SPATA31F1: variants seen among roughly 807,000 people sequenced by gnomAD.
SPATA31F1 encodes the protein SPATA31 subfamily F member 1, also known as protein SPATA31F1.
chr9:34,724,234 C>T, the SPATA31F1 span: 3 of 1,551,490 alleles, frequency 1.9e-6, no homozygotes, highest in Non-Finnish European at 2.6e-6. Flanking sequence ...GGGCCTCTGT[C>T]ATGTCCCCAC....
At chr9:34,728,643 T>G in the SPATA31F1 span, 9 of 1,551,384 alleles carry the variant, frequency 5.8e-6, no homozygotes, top group Non-Finnish European at 7.0e-6. Context: ...TTTGCCTGAC[T>G]TTTTGGTGAC....
At chr9:34,727,887 C>T in the SPATA31F1 span, 1 of 777,448 alleles carries the variant, frequency 1.3e-6, no homozygotes, top group African/African-American at 1.8e-5. Flanking sequence ...AACCCTCTCA[C>T]CCAGTGTCCC....
At chr9:34,726,753 G>A in the SPATA31F1 span, 1 of 1,551,716 alleles carries the variant, frequency 6.4e-7, no homozygotes, top group East Asian at 2.4e-5. Flanking sequence ...GACAGTGAAA[G>A]CTCTCTGGTG....
chr9:34,727,023 G>T, the SPATA31F1 span: 2 of 1,531,490 alleles, frequency 1.3e-6, no homozygotes, highest in Non-Finnish European at 8.8e-7. Context: ...TAACGATGGA[G>T]TGACATCTGC....
chr9:34,726,857 G>T, the SPATA31F1 span: 172 of 1,551,690 alleles, frequency 1.1e-4, no homozygotes, highest in Middle Eastern at 1.7e-4. Flanking sequence ...CCCCGATAAA[G>T]TCAGGGAGAT....
At chr9:34,728,147 G>C in the SPATA31F1 span, 1 of 1,421,216 alleles carries the variant, frequency 7.0e-7, no homozygotes, top group Non-Finnish European at 9.6e-7. Flanking sequence ...ATAGGAAGCT[G>C]AATAGTAAGG....
chr9:34,723,514 C>T, the SPATA31F1 span: 1 of 1,551,816 alleles, frequency 6.4e-7, no homozygotes. Context: ...TGGTTTTGGC[C>T]ACCTTCGCAG....
the SPATA31F1 span, among the ~76,000 whole-genome samples, chr9:34,728,271 TA>T: frequency 6.6e-6 from 1 of 152,252 alleles, no homozygotes; most frequent in Admixed American, 6.5e-5. Context: ...ATTTGATTTT[TA>T]CAACCACAAT....
the SPATA31F1 span, chr9:34,726,568 C>T: frequency 1.3e-6 from 2 of 1,551,902 alleles, no homozygotes; most frequent in Non-Finnish European, 1.7e-6. Flanking sequence ...GCTTCTCAAT[C>T]CTTGAAGAAG....
chr9:34,727,419 G>A, the SPATA31F1 span, among the ~76,000 whole-genome samples: 1 of 152,202 alleles, frequency 6.6e-6, no homozygotes, highest in African/African-American at 2.4e-5. Flanking sequence ...TAGAAAATGA[G>A]GTCCTTGTGG....
the SPATA31F1 span, chr9:34,727,128 T>C: frequency 7.1e-7 from 1 of 1,416,804 alleles, no homozygotes; most frequent in Middle Eastern, 1.9e-4. Flanking sequence ...CTGTCTGCTT[T>C]CCTTGCTAAG....
chr9:34,723,198 G>A, the SPATA31F1 span: 1 of 1,540,724 alleles, frequency 6.5e-7, no homozygotes, highest in Non-Finnish European at 8.8e-7. Flanking sequence ...TCCTTGAGCG[G>A]ACCAATGTTT....
the SPATA31F1 span, chr9:34,723,892 G>A: frequency 1.3e-6 from 2 of 1,551,598 alleles, no homozygotes; most frequent in African/African-American, 1.4e-5. Context: ...TAAGCTGAGG[G>A]TGATGCTGGG....
At chr9:34,728,548 G>A in the SPATA31F1 span, 4 of 1,503,410 alleles carry the variant, frequency 2.7e-6, no homozygotes, top group Admixed American at 7.9e-5. Flanking sequence ...GTCACAGAGG[G>A]ACAGGATTCA....
At chr9:34,728,839 T>G in the SPATA31F1 span, among the ~76,000 whole-genome samples, 1 of 152,370 alleles carries the variant, frequency 6.6e-6, no homozygotes, top group Non-Finnish European at 1.5e-5. Flanking sequence ...CTGCTTATTT[T>G]GGATTCACTT....
the SPATA31F1 span, chr9:34,723,340 C>T: frequency 1.3e-6 from 2 of 1,551,642 alleles, no homozygotes; most frequent in Non-Finnish European, 1.7e-6. Flanking sequence ...TGGAGTGTAG[C>T]CGGAGCTTAT....
At chr9:34,723,656 A>C in the SPATA31F1 span, 1 of 1,551,676 alleles carries the variant, frequency 6.4e-7, no homozygotes, top group Non-Finnish European at 8.7e-7. Flanking sequence ...GACTGGCATC[A>C]CCAGCCCATG....
chr9:34,723,181 C>T, the SPATA31F1 span: 273 of 1,516,926 alleles, frequency 1.8e-4, no homozygotes, highest in Middle Eastern at 3.6e-4. Flanking sequence ...CATGGCTCTG[C>T]ATGTTCTCCT....
the SPATA31F1 span, chr9:34,728,074 G>A: frequency 7.7e-6 from 12 of 1,551,822 alleles, no homozygotes; most frequent in Admixed American, 1.6e-4. Flanking sequence ...TCCCGGGAAC[G>A]TCTCCTAGCT....
Sources: allele counts gnomAD v4.1 joint callset (sites outside exome capture counted in the v4.1 genomes callset), GRCh38; gene constraint gnomAD v4.1.1; transcripts MANE v1.5; gene names NCBI Gene and HGNC (gene_info 2026-07-23, HGNC 2026-07-21).